The following TRPM1 variants were observed in gnomAD, a reference collection of about 807,000 sequenced individuals.
The protein encoded by TRPM1 is transient receptor potential cation channel subfamily M member 1, also known as TRPM1-203 APA Isoform, Intron 10.
In TRPM1, 113 loss-of-function variants were observed where a neutral mutation model predicts 149.4. The ratio of observed to expected loss-of-function variants is 0.76; its 90% CI spans 0.65 to 0.88. The LOEUF is 0.88. Ranked by LOEUF, TRPM1 falls within the 40% of genes least tolerant of loss-of-function variation. The probability of loss-of-function intolerance (pLI) is 0.00; values close to 1 mark genes in which losing one functional copy is unlikely to be tolerated. For synonymous variants in TRPM1, 741 were observed against 759.5 expected (o/e 0.98, Z 0.40); for missense variants, 1,976 against 2,038.7 (o/e 0.97, Z 0.59).
chr15:31,135,499 A>G (rs1006201697), intron 1 of TRPM1, among the ~76,000 whole-genome samples: 1 of 152,238 alleles, frequency 6.6e-6, no homozygotes, highest in Admixed American at 6.5e-5. Flanking sequence ...TGAAATAATT[A>G]GAAATGCAAG....
At chr15:31,078,748 A>G (rs1285054154) in intron 2 of TRPM1, among the ~76,000 whole-genome samples, 3 of 152,230 alleles carry the variant, frequency 2.0e-5, no homozygotes, top group Admixed American at 6.5e-5. Flanking sequence ...GCCTGGAAAG[A>G]AACTGTGCTT....
chr15:31,037,740 C>T lies in TRPM1; in HGVS notation c.2542G>A (p.Ala848Thr), dbSNP rs376766834. Residue 848 changes from alanine to threonine, a missense_variant, in exon 20 of 28, where the codon GCG becomes ACG. Transcript: ENST00000256552. Reference protein sequence around the residue: ...IGTKICEFYNAPIVKFWFYTI... With the variant: ...IGTKICEFYNTPIVKFWFYTI... ...TAAAACCAGAACTTGACAATGGGCG[C>T]GTTATAGAATTCACAGATCTTTGTT... The T allele has an allele frequency of 3.7e-5, 59 of 1,614,146 alleles. No individual in the cohort carries two copies. In the Middle Eastern group the frequency reaches 4.9e-4, roughly 14 times the overall value.
intron 1 of TRPM1, among the ~76,000 whole-genome samples, chr15:31,146,630 A>G (rs949653083): frequency 6.6e-6 from 1 of 152,168 alleles, no homozygotes; most frequent in African/African-American, 2.4e-5. Flanking sequence ...ATATTAACCA[A>G]TCCATGAGTT....
chr15:31,029,013 A>G (rs2032931406), intron 24 of TRPM1, among the ~76,000 whole-genome samples: 1 of 152,096 alleles, frequency 6.6e-6, no homozygotes, highest in Non-Finnish European at 1.5e-5. Flanking sequence ...GGTTTCACTG[A>G]TACATTAAAT....
At position 31,017,167 on chromosome 15, in the gene TRPM1, A is replaced by AGTG. The variant is rs1566990535; in HGVS notation, c.3629+8971_3629+8972insCAC. 2.8e-4 allele frequency among the ~76,000 whole-genome samples: 42 copies of AGTG among 152,140 alleles called. No homozygotes were observed. The South Asian group carries it at 8.5e-3, about 31-fold the overall frequency. On this transcript the variant is annotated intron_variant, in intron 27 of 27. Transcript: ENST00000256552. Reference sequence around the variant, plus strand: ...CTAAAACTACAAAAATTAGCCGGACATGGTGGCGTGCGTCTGTAGTCCCAG... The same window carrying AGTG: ...CTAAAACTACAAAAATTAGCCGGACAGTGTGGTGGCGTGCGTCTGTAGTCCCAG...
rs1192227321 is a variant in TRPM1, at chr15:31,040,298, A to G, written c.2136T>C (p.His712=). 2 of 1,614,056 alleles carry G rather than the reference A, an allele frequency of 1.2e-6. No homozygotes were observed. The highest frequency in any genetic ancestry group is 2.2e-5 in the East Asian group (1 of 44,888). Reference sequence around the variant, plus strand: ...GGAGTTTCATAGCGATCTGCTCGTCATGCTTATAGGACTGGTCTAATAACT... The same window carrying G: ...GGAGTTTCATAGCGATCTGCTCGTCGTGCTTATAGGACTGGTCTAATAACT... ...ALELLDQSYK[H]DEQIAMKLLT... is the part of the protein sequence containing the mutation. The change falls in exon 18 of 28, where the codon CAT becomes CAC. Residue 712 remains histidine (H), a synonymous_variant. Coordinates refer to ENST00000256552, the MANE Select transcript of TRPM1 (RefSeq NM_001252024.2). This position sits in a 1 kb window ranked among gnomAD's most constrained non-coding sequence, Gnocchi z 4.2.
At chr15:31,091,067 G>A (rs1436528520) in intron 1 of TRPM1, among the ~76,000 whole-genome samples, 1 of 152,236 alleles carries the variant, frequency 6.6e-6, no homozygotes, top group South Asian at 2.1e-4. Flanking sequence ...GTGCAACGAG[G>A]GTAATAGTTC....
chr15:31,020,018 T>C (rs1281301959), intron 27 of TRPM1, among the ~76,000 whole-genome samples: 1 of 152,252 alleles, frequency 6.6e-6, no homozygotes, highest in Non-Finnish European at 1.5e-5. Context: ...ATAAACAGTA[T>C]ACTGAATAGT....
intron 1 of TRPM1, among the ~76,000 whole-genome samples, chr15:31,130,809 C>G (rs1288493087): frequency 2.0e-5 from 3 of 152,162 alleles, no homozygotes; most frequent in Admixed American, 6.5e-5. Context: ...GGCCCGCTAC[C>G]TGCCAAATTA....
rs375582184 is a variant in TRPM1 at position 31,040,339 on chromosome 15, C to A, written c.2095G>T (p.Gly699Cys). The A allele has an allele frequency of 1.9e-6, 3 of 1,614,008 alleles. No individual in the cohort carries two copies. The highest frequency in any genetic ancestry group is 2.5e-6 in the Non-Finnish European group (3 of 1,180,018). The change falls in exon 18 of 28, where the codon GGC becomes TGC. Residue 699 changes from glycine (G) to cysteine (C), a missense_variant. By Grantham distance (159) the Gly-to-Cys change is radical (BLOSUM62 -3). Coordinates refer to ENST00000256552, the MANE Select transcript of TRPM1 (RefSeq NM_001252024.2). The surrounding 1 kb of genome is among the most constrained non-coding windows in gnomAD (Gnocchi z 4.2). ...TCTAATAACTCCAAAGCAAGCTGGC[C>A]GAAGTCTCTGGGGGGAAAGAGAAGG... is the stretch of plus-strand genomic sequence containing the variant. ...QDLDNNSKDFGQLALELLDQS... is the reference protein window; with the variant it reads ...QDLDNNSKDFCQLALELLDQS...
At chr15:31,060,460 T>G in intron 11 of TRPM1, 84 bp downstream of exon 11, 1 of 1,155,964 alleles carries the variant, frequency 8.7e-7, no homozygotes, top group Non-Finnish European at 1.3e-6. Flanking sequence ...TTTCCTGAAT[T>G]CCATGTCACA....
chr15:31,007,790 C>T (rs998831986), intron 27 of TRPM1, among the ~76,000 whole-genome samples: 1 of 152,182 alleles, frequency 6.6e-6, no homozygotes, highest in African/African-American at 2.4e-5. Context: ...ATCTGTGCCA[C>T]GTTGAGTCTT....
upstream of TRPM1, among the ~76,000 whole-genome samples, chr15:31,102,006 G>T (rs1198329315): frequency 6.6e-6 from 1 of 152,250 alleles, no homozygotes; most frequent in Non-Finnish European, 1.5e-5. Context: ...GGCTGGAAAT[G>T]TCAGCAGGGT....
At chr15:31,133,669 G>C (rs556422571) in intron 1 of TRPM1, among the ~76,000 whole-genome samples, 103 of 149,744 alleles carry the variant, frequency 6.9e-4, no homozygotes, top group Non-Finnish European at 1.2e-3. Flanking sequence ...GTGACAGAGC[G>C]AGACTGTCTC....
chr15:31,151,944 A>G (rs2036308980), intron 1 of TRPM1, among the ~76,000 whole-genome samples: 1 of 152,228 alleles, frequency 6.6e-6, no homozygotes. Flanking sequence ...ATACAGAAGA[A>G]CAAGGAATCC....
intron 21 of TRPM1, among the ~76,000 whole-genome samples, chr15:31,034,517 C>G (rs551417641): frequency 9.8e-4 from 150 of 152,290 alleles, no homozygotes; most frequent in African/African-American, 3.4e-3. Flanking sequence ...AGGTGGGGCC[C>G]AAAGGTGAGA....
At chr15:31,063,071 AAG>A (rs1286199275) in intron 8 of TRPM1, 45 bp downstream of exon 8, 2 of 1,612,246 alleles carry the variant, frequency 1.2e-6, no homozygotes, top group Admixed American at 3.3e-5. Flanking sequence ...TGGCCCGACA[AAG>A]AGGGAGTTAC....
intron 1 of TRPM1, among the ~76,000 whole-genome samples, chr15:31,100,896 ATCCCTT>A (rs1331286378): frequency 6.6e-6 from 1 of 152,192 alleles, no homozygotes; most frequent in Non-Finnish European, 1.5e-5. Flanking sequence ...CAATGTTGGC[ATCCCTT>A]CAGGATTCGC....
At chr15:31,009,527 T>C (rs76461935) in intron 27 of TRPM1, among the ~76,000 whole-genome samples, 2,307 of 152,270 alleles carry the variant, frequency 0.015, 72 homozygotes, top group African/African-American at 0.053. Context: ...TGATATGGAT[T>C]CATTTGAGTT....
Sources: allele counts gnomAD v4.1 joint callset (sites outside exome capture counted in the v4.1 genomes callset), GRCh38; gene constraint gnomAD v4.1.1; non-coding constraint Gnocchi (gnomAD v3.1); transcripts MANE v1.5; gene names NCBI Gene and HGNC (gene_info 2026-07-23, HGNC 2026-07-21).